The following THNSL2 variants were observed in gnomAD, a reference collection of about 807,000 sequenced individuals.
The protein encoded by THNSL2 is threonine synthase-like 2.
A neutral mutation model predicts 40.0 loss-of-function variants in THNSL2; 34 were observed. The ratio of observed to expected loss-of-function variants is 0.85; its 90% CI spans 0.65 to 1.13. The LOEUF (loss-of-function observed/expected upper bound fraction) is 1.13. THNSL2 is among the 50% of genes most tolerant of loss of function. The pLI, the probability that THNSL2 is intolerant of heterozygous loss-of-function variation, is 0.00. For missense variants in THNSL2, 537 were observed against 608.8 expected, an observed-to-expected ratio of 0.88 and a Z score of 1.24; for synonymous variants, 241 against 247.5, an observed-to-expected ratio of 0.97 and a Z score of 0.25.
At chr2:88,173,042 T>C in intron 1 of THNSL2, 97 bp from the exon 2 acceptor site, 1 of 742,452 alleles carries the variant, frequency 1.3e-6, no homozygotes. Context: ...AGACTGGTGG[T>C]CTAGAGGCTA....
intron 2 of THNSL2, 144 bp from the exon 3 acceptor site, chr2:88,174,495 T>G: frequency 1.3e-6 from 1 of 777,004 alleles, no homozygotes; most frequent in Non-Finnish European, 2.0e-6. Context: ...GTTTTTACAA[T>G]TGTATTCAAA....
rs973728993 is a variant in THNSL2 at position 88,185,787 on chromosome 2, AC to A, written c.1230-104del. The A allele has an allele frequency of 2.3e-5, 35 of 1,534,742 alleles. No homozygotes were observed. In the African/African-American group the frequency reaches 3.1e-4, roughly 13 times the overall value. Reference sequence around the variant, plus strand: ...GTCTGTCTGTGTCTCTGTCCTCCATACCCCCCCATCCCTAAACTTCCTCTGT... The same window carrying A: ...GTCTGTCTGTGTCTCTGTCCTCCATACCCCCCATCCCTAAACTTCCTCTGT... On this transcript the variant is annotated intron_variant, in intron 8 of 8. Coordinates refer to ENST00000674334, the MANE Select transcript of THNSL2 (RefSeq NM_018271.5).
chr2:88,184,897 C>A lies in THNSL2; in HGVS notation c.1078-431C>A, dbSNP rs143617111. On this transcript the variant is annotated intron_variant, in intron 7 of 8. Transcript: ENST00000674334. Reference sequence around the variant, plus strand: ...AGATGATCAAATAAACCAAACACACCGAGGGAGCACAGACAAGGGAATCTT... The same window carrying A: ...AGATGATCAAATAAACCAAACACACAGAGGGAGCACAGACAAGGGAATCTT... Among the ~76,000 whole-genome samples the A allele has an allele frequency of 4.6e-5, 7 of 152,100 alleles. No individual in the cohort carries two copies. The East Asian group carries it at 1.4e-3, about 29-fold the overall frequency.
intron 3 of THNSL2, 67 bp from the exon 4 acceptor site, chr2:88,175,182 G>A: frequency 6.5e-7 from 1 of 1,536,460 alleles, no homozygotes; most frequent in South Asian, 1.2e-5. Flanking sequence ...GTGCTTTGGG[G>A]ACCATTTCTT....
chr2:88,185,958 T>C lies in THNSL2; in HGVS notation c.1290T>C (p.Ala430=). ...SAAKFPEAVL[A]AGLTPETPAE... ...CCAAGTTCCCGGAAGCTGTCCTGGC[T>C]GCTGGCCTGACCCCTGAGACTCCCG... Residue 430 remains alanine, a synonymous_variant, in exon 9 of 9, where the codon GCT becomes GCC. Coordinates refer to ENST00000674334, the MANE Select transcript of THNSL2 (RefSeq NM_018271.5). 5 of 1,613,046 alleles carry C rather than the reference T, an allele frequency of 3.1e-6. No homozygotes were observed. The African/African-American group carries it at 5.3e-5, about 17-fold the overall frequency.
chr2:88,185,296 A>C, intron 7 of THNSL2, 32 bp from the exon 8 acceptor site: 3 of 1,586,160 alleles, frequency 1.9e-6, no homozygotes, highest in South Asian at 2.3e-5. Context: ...TCCCCCCCCC[A>C]CACCTCATCT....
In THNSL2 at chr2:88,178,815, A is replaced by T; in HGVS notation, c.604A>T (p.Ile202Phe). 6.2e-7 allele frequency: 1 copy of T among 1,614,098 alleles called. No homozygotes were observed. Among genetic ancestry groups the T allele is most frequent in the Non-Finnish European group, 8.5e-7 (1 of 1,179,990 alleles). ...EGNSDELDEP[I>F]KTVFADVAFV... is the part of the protein sequence containing the mutation. ...AAACAGCGATGAGCTCGATGAGCCG[A>T]TCAAGACTGTGTTTGCCGATGTGGC... Residue 202 changes from isoleucine to phenylalanine, a missense_variant, in exon 5 of 9, where the codon ATC becomes TTC. Physicochemically the swap from Ile to Phe is conservative, Grantham distance 21. Transcript: ENST00000674334.
intron 2 of THNSL2, among the ~76,000 whole-genome samples, chr2:88,173,978 G>A (rs1238698788): frequency 6.6e-6 from 1 of 152,216 alleles, no homozygotes; most frequent in African/African-American, 2.4e-5. Context: ...ATAATGTAAT[G>A]GTGGTGGTTT....
chr2:88,181,101 T>A (rs1326838207), intron 5 of THNSL2, among the ~76,000 whole-genome samples: 2 of 1,452 alleles, frequency 1.4e-3, no homozygotes. Flanking sequence ...CTCTCCTCTC[T>A]CCTCTCTCTC....
intron 3 of THNSL2, 109 bp downstream of exon 3, chr2:88,174,942 C>T: frequency 7.6e-7 from 1 of 1,309,206 alleles, no homozygotes. Context: ...ACTGGTTCTT[C>T]CAGAGCAAGG....
intron 1 of THNSL2, chr2:88,171,498 G>C (rs769323204): frequency 1.1e-5 from 4 of 352,090 alleles, no homozygotes; most frequent in Non-Finnish European, 1.7e-5. Flanking sequence ...GCTCGCTCCT[G>C]CCCTCACTCC....
intron 4 of THNSL2, chr2:88,176,606 AT>A (rs1676964347): frequency 6.6e-6 from 1 of 152,232 alleles, no homozygotes. Flanking sequence ...TGTAGAGGTT[AT>A]TTTTGTATAA....
At chr2:88,178,062 T>C (rs1222950907) in intron 4 of THNSL2, among the ~76,000 whole-genome samples, 1 of 133,274 alleles carries the variant, frequency 7.5e-6, no homozygotes, top group African/African-American at 2.8e-5. Flanking sequence ...GTAGATCCAA[T>C]GGAGACATAC....
chr2:88,182,324 T>A (rs1677777643), intron 5 of THNSL2, among the ~76,000 whole-genome samples: 1 of 152,238 alleles, frequency 6.6e-6, no homozygotes, highest in Admixed American at 6.5e-5. Context: ...TGAAGTAATA[T>A]CTCATGGTTT....
rs770845310 is a variant in THNSL2, at chr2:88,175,385, C to T, written c.555C>T (p.Asn185=). ...ELQMTTVLKQ[N]VHVFGVEGNS... is the part of the protein sequence containing the mutation. ...AGATGACAACGGTGCTGAAGCAGAA[C>T]GTACATGTGTTTGGAGGTGTGTGCT... Residue 185 remains asparagine (N), a synonymous_variant, in exon 4 of 9, where the codon AAC becomes AAT. Transcript: ENST00000674334. 54 of 1,614,022 alleles carry T rather than the reference C, an allele frequency of 3.3e-5. No homozygotes were observed. Among genetic ancestry groups the T allele is most frequent in the East Asian group, 6.7e-5 (3 of 44,882 alleles).
intron 5 of THNSL2, among the ~76,000 whole-genome samples, chr2:88,179,887 G>A (rs886112690): frequency 6.6e-6 from 1 of 152,230 alleles, no homozygotes; most frequent in Admixed American, 6.5e-5. Context: ...GGTGAGGCTA[G>A]GGGAATTACT....
rs776532482 is a variant in THNSL2, at chr2:88,178,859, T to A, written c.648T>A (p.Asn216Lys). 21 of 1,614,092 alleles carry A rather than the reference T, an allele frequency of 1.3e-5. 1 individual carries two copies. In the South Asian group the frequency reaches 2.3e-4, roughly 18 times the overall value. Residue 216 changes from asparagine (N) to lysine (K), a missense_variant, in exon 5 of 9, where the codon AAT (asparagine) becomes AAA (lysine). Transcript: ENST00000674334. ...FADVAFVKKH[N>K]LMSLNSINWS... ...ATGTGGCTTTTGTCAAGAAGCACAA[T>A]CTGATGAGCCTGAATTCGATCAACT...
At chr2:88,170,913 G>T (rs1362661180) in intron 1 of THNSL2, among the ~76,000 whole-genome samples, 1 of 152,080 alleles carries the variant, frequency 6.6e-6, no homozygotes, top group African/African-American at 2.4e-5. Flanking sequence ...TCCCTGAGGG[G>T]CGCCTGTCTA....
intron 7 of THNSL2, among the ~76,000 whole-genome samples, chr2:88,184,729 C>T (rs1035367469): frequency 6.6e-6 from 1 of 151,812 alleles, no homozygotes; most frequent in African/African-American, 2.4e-5. Context: ...GATCGTGTCA[C>T]GGTTCTCCAG....
Sources: allele counts gnomAD v4.1 joint callset (sites outside exome capture counted in the v4.1 genomes callset), GRCh38; gene constraint gnomAD v4.1.1; transcripts MANE v1.5; gene names NCBI Gene and HGNC (gene_info 2026-07-23, HGNC 2026-07-21).